The following EXD1 variants were observed in gnomAD, a reference collection of about 807,000 sequenced individuals.
The protein encoded by EXD1 is exonuclease 3'-5' domain containing 1.
EXD1 carries 63 observed loss-of-function variants against 49.1 expected under a neutral mutation model. That is an observed-to-expected ratio of 1.28 (90% confidence interval 1.05 to 1.58). The LOEUF is 1.58. EXD1 is among the 40% of genes most tolerant of loss of function. The probability of loss-of-function intolerance (pLI) is 0.00; values close to 1 mark genes in which losing one functional copy is unlikely to be tolerated. For missense variants in EXD1, 748 were observed against 666.0 expected (o/e 1.12, Z -1.36); for synonymous variants, 234 against 239.2 (o/e 0.98, Z 0.20).
chr15:41,186,402 G>A (rs966799359), intron 11 of EXD1, among the ~76,000 whole-genome samples: 4 of 137,742 alleles, frequency 2.9e-5, no homozygotes, highest in Admixed American at 8.7e-5. Flanking sequence ...AACTCAGGAG[G>A]TGGAGGTTGC....
At chr15:41,195,723 A>T (rs1035237321) in intron 9 of EXD1, 52 bp downstream of exon 9, 4 of 1,434,478 alleles carry the variant, frequency 2.8e-6, no homozygotes, top group African/African-American at 1.4e-5. Context: ...GAGCCCTTTT[A>T]TCTACAGGAG....
rs1349079936 is a variant in EXD1, at chr15:41,184,946, G to A, written c.1057-353C>T. Among the ~76,000 whole-genome samples the A allele has an allele frequency of 2.6e-5, 4 of 152,248 alleles. No homozygotes were observed. The East Asian group carries it at 5.8e-4, about 22-fold the overall frequency. On this transcript the variant is annotated intron_variant, in intron 11 of 11. Transcript: ENST00000458580. ...GCTGGGATTACAGTCGTGAGCCATA[G>A]TGCCCGGCCTGAAATCACTTCTGTT...
intron 9 of EXD1, 110 bp downstream of exon 9, chr15:41,195,663 CAA>C (rs33987701): frequency 9.4e-3 from 5,094 of 542,118 alleles, no homozygotes; most frequent in South Asian, 0.018. Flanking sequence ...AATGGAGCAC[CAA>C]AAAAAAAAAA....
At chr15:41,191,820 A>C (rs2046524450) in intron 9 of EXD1, 1 of 422,384 alleles carries the variant, frequency 2.4e-6, no homozygotes. Flanking sequence ...TCTGTCGCTC[A>C]GGCTGGAGTG....
Position 41,189,946 on chromosome 15 carries a change from T to TGA in EXD1, c.1046_1047insTC (p.Gly350GlnfsTer34). 1 of 1,613,794 alleles carries TGA rather than the reference T, an allele frequency of 6.2e-7. No individual in the cohort carries two copies. Among genetic ancestry groups the TGA allele is most frequent in the Non-Finnish European group, 8.5e-7 (1 of 1,179,868 alleles). ...AGAGAGCTGCACCTACCTCAGTGCCTCCAAGCCGGTCTGCAGACCCTTCGC... is the reference window on the plus strand; with the variant it reads ...AGAGAGCTGCACCTACCTCAGTGCCTGACCAAGCCGGTCTGCAGACCCTTCGC... On this transcript the variant is annotated frameshift_variant, in exon 11 of 12. Transcript: ENST00000458580. LOFTEE classifies it low-confidence loss of function (END_TRUNC).
chr15:41,220,691 C>T (rs151085801), intron 2 of EXD1, among the ~76,000 whole-genome samples: 44 of 152,302 alleles, frequency 2.9e-4, no homozygotes, highest in African/African-American at 9.4e-4. Flanking sequence ...AGGTTAGATG[C>T]CATGTCCACA....
intron 11 of EXD1, among the ~76,000 whole-genome samples, chr15:41,188,800 CTTCT>C (rs1287743392): frequency 1.5e-5 from 2 of 132,604 alleles, no homozygotes; most frequent in Admixed American, 7.9e-5. Context: ...TCTTTTCTTT[CTTCT>C]TTTTTTTTTT....
At chr15:41,203,481 A>G (rs555819807) in intron 7 of EXD1, among the ~76,000 whole-genome samples, 2 of 152,212 alleles carry the variant, frequency 1.3e-5, no homozygotes, top group Non-Finnish European at 2.9e-5. Context: ...AAATAGCCTC[A>G]GAAGTAAAAG....
intron 7 of EXD1, among the ~76,000 whole-genome samples, chr15:41,209,014 A>C (rs531110762): frequency 6.6e-6 from 1 of 152,272 alleles, no homozygotes; most frequent in South Asian, 2.1e-4. Flanking sequence ...TGAATCTATA[A>C]GGAGACAGAA....
At chr15:41,198,889 T>A (rs979922443) in intron 7 of EXD1, among the ~76,000 whole-genome samples, 1 of 150,980 alleles carries the variant, frequency 6.6e-6, no homozygotes, top group Non-Finnish European at 1.5e-5. Flanking sequence ...GCATTTTTAG[T>A]AGGGACTAGG....
chr15:41,186,586 A>C (rs780318825), intron 11 of EXD1, among the ~76,000 whole-genome samples: 2 of 151,910 alleles, frequency 1.3e-5, no homozygotes, highest in Non-Finnish European at 2.9e-5. Context: ...ACAACTATTT[A>C]CATAGCATTT....
Position 41,216,966 on chromosome 15 carries a change from C to T in EXD1, c.260+131G>A, listed in dbSNP as rs530758857. The T allele has an allele frequency of 7.9e-6, 10 of 1,266,342 alleles. No homozygotes were observed. In the Admixed American group the frequency reaches 2.2e-4, roughly 28 times the overall value. The allele number at this position is 1,266,342 out of a possible 1,614,324, so 78.4% of individuals were successfully genotyped here. ...CGCTATCTAACAATGGAAGAAAACACCTATATATTTCTTCTCATTTCTATT... is the reference window on the plus strand; with the variant it reads ...CGCTATCTAACAATGGAAGAAAACATCTATATATTTCTTCTCATTTCTATT... On this transcript the variant is annotated intron_variant, in intron 4 of 11. Transcript: ENST00000458580.
intron 11 of EXD1, among the ~76,000 whole-genome samples, chr15:41,186,134 C>T (rs961521663): frequency 6.6e-6 from 1 of 152,120 alleles, no homozygotes; most frequent in Admixed American, 6.6e-5. Context: ...TCTTGAGATA[C>T]TTTCCATATC....
intron 6 of EXD1, among the ~76,000 whole-genome samples, chr15:41,212,293 TA>T (rs545451022): frequency 1.4e-3 from 201 of 142,974 alleles, no homozygotes; most frequent in Admixed American, 1.6e-3. Context: ...ACTAAAAATG[TA>T]AAAAAAAAAA....
intron 7 of EXD1, among the ~76,000 whole-genome samples, chr15:41,197,874 C>T (rs572797104): frequency 8.2e-5 from 12 of 147,116 alleles, no homozygotes; most frequent in Non-Finnish European, 1.2e-4. Context: ...GATCCACCCA[C>T]GTTGGCCTCC....
chr15:41,187,572 A>AT (rs2046433634), intron 11 of EXD1, among the ~76,000 whole-genome samples: 1 of 152,188 alleles, frequency 6.6e-6, no homozygotes, highest in African/African-American at 2.4e-5. Context: ...ATGCATGTAG[A>AT]GTATTATAAT....
rs35466831 is a variant in EXD1 at position 41,225,515 on chromosome 15, GC to G, written c.133+927del. Among the ~76,000 whole-genome samples, 814 of 151,694 alleles carry G rather than the reference GC, an allele frequency of 5.4e-3. 3 individuals carry two copies. Among genetic ancestry groups the G allele is most frequent in the Non-Finnish European group, 9.5e-3 (642 of 67,914 alleles). ...CAGGAGACTTGCTTGAACCTGGGAG[GC>G]AGAGGTTGCAGTGAGCCAAGATCGC... On this transcript the variant is annotated intron_variant, in intron 2 of 11. Transcript: ENST00000458580.
intron 7 of EXD1, among the ~76,000 whole-genome samples, chr15:41,200,958 C>T (rs1270549259): frequency 6.6e-6 from 1 of 151,602 alleles, no homozygotes; most frequent in Non-Finnish European, 1.5e-5. Context: ...ACTGCAACCT[C>T]CACCTCCCAG....
chr15:41,224,613 A>C (rs994495369), intron 2 of EXD1, among the ~76,000 whole-genome samples: 6 of 152,084 alleles, frequency 3.9e-5, no homozygotes, highest in African/African-American at 1.4e-4. Flanking sequence ...AATCAGAAAA[A>C]AAATATTAAC....
Sources: gnomAD v4.1 joint callset for allele counts (sites outside exome capture counted in the v4.1 genomes callset) on GRCh38, gnomAD v4.1.1 for gene constraint, MANE v1.5 for transcripts, NCBI Gene and HGNC (gene_info 2026-07-23, HGNC 2026-07-21) for gene names.